BICC1: variants seen among roughly 807,000 people sequenced by gnomAD.
BICC1 encodes BicC family RNA binding protein 1, also known as protein bicaudal C homolog 1.
In BICC1, 43 loss-of-function variants were observed where a neutral mutation model predicts 111.0. The observed-to-expected ratio is 0.39, with a 90% confidence interval of 0.30 to 0.50. The LOEUF (loss-of-function observed/expected upper bound fraction) is 0.50. Among genes scored for constraint, BICC1 ranks in the 20% least tolerant of loss-of-function variants. The pLI is 0.88. For missense variants in BICC1, 1,091 were observed against 1,203.2 expected (o/e 0.91, Z 1.38); for synonymous variants, 467 against 434.4 (o/e 1.07, Z -0.93).
At chr10:58,654,299 CA>C (rs1241604685) in intron 2 of BICC1, among the ~76,000 whole-genome samples, 1 of 105,942 alleles carries the variant, frequency 9.4e-6, no homozygotes, top group Admixed American at 1.0e-4. Context: ...GTACCACCAA[CA>C]GTGTGAAAGT....
At chr10:58,633,473 C>T (rs563442604) in intron 2 of BICC1, among the ~76,000 whole-genome samples, 11 of 152,144 alleles carry the variant, frequency 7.2e-5, no homozygotes, top group Non-Finnish European at 1.6e-4. Flanking sequence ...CACTACCTTC[C>T]TAAATGATAA....
chr10:58,543,679 TTTTTAGG>T (rs1843055746), intron 1 of BICC1, among the ~76,000 whole-genome samples: 1 of 152,012 alleles, frequency 6.6e-6, no homozygotes, highest in African/African-American at 2.4e-5. Flanking sequence ...TCAGCTAATT[TTTTTAGG>T]TTTTGTAGAG....
At chr10:58,790,156 CT>C (rs368172202) in intron 8 of BICC1, among the ~76,000 whole-genome samples, 1 of 152,086 alleles carries the variant, frequency 6.6e-6, no homozygotes, top group African/African-American at 2.4e-5. Context: ...TCAGTGTTTT[CT>C]TTTTAACTTA....
At chr10:58,707,598 C>T (rs1840424697) in intron 3 of BICC1, among the ~76,000 whole-genome samples, 1 of 152,096 alleles carries the variant, frequency 6.6e-6, no homozygotes, top group African/African-American at 2.4e-5. Context: ...AGTGCAATTT[C>T]ACCTCACTGT....
rs188330082 is a variant in BICC1, at chr10:58,537,868, C to T, written c.190+24535C>T. Among the ~76,000 whole-genome samples, 1,097 of 151,678 alleles carry T rather than the reference C, an allele frequency of 7.2e-3. 5 individuals are homozygous for T. The highest frequency in any genetic ancestry group is 0.012 in the Non-Finnish European group (806 of 67,682). On this transcript the variant is annotated intron_variant, in intron 1 of 20. Transcript: ENST00000373886. The stretch of plus-strand genomic sequence containing the variant: ...TGAGTATGAAATTGAGAACTCAATT[C>T]CTTTTACAATAGTTATACAAAAATA...
At position 58,789,363 on chromosome 10, in the gene BICC1, G is replaced by A. The variant is rs749671574; in HGVS notation, c.702G>A (p.Thr234=). ...NSPSIQHISQ[T]YNISVSFKQR... The stretch of plus-strand genomic sequence containing the variant: ...CCTCTATTCAGCATATATCACAAAC[G>A]TACAATATTTCAGTATCATTTAAAC... Residue 234 remains threonine, a synonymous_variant, in exon 7 of 21, where the codon ACG becomes ACA. Transcript: ENST00000373886. The A allele has an allele frequency of 1.2e-5, 19 of 1,613,782 alleles. No homozygotes were observed. The highest frequency in any genetic ancestry group is 1.1e-4 in the East Asian group (5 of 44,864).
chr10:58,795,431 C>A (rs937363108), intron 9 of BICC1, among the ~76,000 whole-genome samples: 1 of 152,020 alleles, frequency 6.6e-6, no homozygotes, highest in Non-Finnish European at 1.5e-5. Flanking sequence ...ACTGTAGATA[C>A]CAGGACTAAA....
intron 1 of BICC1, among the ~76,000 whole-genome samples, chr10:58,618,625 C>T (rs774166366): frequency 1.1e-4 from 17 of 152,132 alleles, no homozygotes; most frequent in Non-Finnish European, 2.5e-4. Context: ...CTTGGTCTCC[C>T]GCTTGGTCTG....
chr10:58,792,485 G>A (rs1843212762), intron 8 of BICC1, among the ~76,000 whole-genome samples: 1 of 152,126 alleles, frequency 6.6e-6, no homozygotes, highest in South Asian at 2.1e-4. Flanking sequence ...GGAAAGCAAG[G>A]GAAGCTTCAT....
intron 3 of BICC1, among the ~76,000 whole-genome samples, chr10:58,771,670 A>G (rs1338355383): frequency 6.6e-6 from 1 of 152,164 alleles, no homozygotes; most frequent in African/African-American, 2.4e-5. Flanking sequence ...ATAGGAAATT[A>G]TAGGACATTT....
At chr10:58,566,125 T>C (rs1215342927) in intron 1 of BICC1, among the ~76,000 whole-genome samples, 2 of 151,488 alleles carry the variant, frequency 1.3e-5, no homozygotes, top group Non-Finnish European at 2.9e-5. Flanking sequence ...CATTCCTTTT[T>C]ATGGCTGAAT....
At chr10:58,800,828 A>T in intron 13 of BICC1, 62 bp from the exon 14 acceptor site, 1 of 1,471,858 alleles carries the variant, frequency 6.8e-7, no homozygotes, top group South Asian at 1.4e-5. Context: ...CATTGCAGAT[A>T]ATTGTCAACT....
chr10:58,553,530 G>A (rs1338417164), intron 1 of BICC1, among the ~76,000 whole-genome samples: 2 of 152,100 alleles, frequency 1.3e-5, no homozygotes, highest in East Asian at 3.9e-4. Context: ...TTGGACTTCT[G>A]ACCTCTGAAA....
intron 3 of BICC1, among the ~76,000 whole-genome samples, chr10:58,767,183 A>G (rs376209761): frequency 9.2e-5 from 14 of 152,138 alleles, no homozygotes; most frequent in African/African-American, 2.2e-4. Context: ...AAGCCTTTAC[A>G]GGTGGTTTGT....
chr10:58,654,080 A>G (rs1394854935), intron 2 of BICC1, among the ~76,000 whole-genome samples: 1 of 140,980 alleles, frequency 7.1e-6, no homozygotes, highest in Non-Finnish European at 1.5e-5. Flanking sequence ...CCAGTCTATC[A>G]TTGTTGGACA....
At chr10:58,519,886 G>A (rs1842345007) in intron 1 of BICC1, among the ~76,000 whole-genome samples, 1 of 151,812 alleles carries the variant, frequency 6.6e-6, no homozygotes, top group African/African-American at 2.4e-5. Flanking sequence ...CAATAAAAAT[G>A]CTTATTTCAC....
chr10:58,683,282 A>G (rs920714882), intron 2 of BICC1, among the ~76,000 whole-genome samples: 7 of 152,222 alleles, frequency 4.6e-5, no homozygotes, highest in African/African-American at 1.7e-4. Context: ...TTTGGTTACC[A>G]TAGCCTTGTA....
Position 58,778,662 on chromosome 10 carries a change from A to C in BICC1, c.308-6339A>C, listed in dbSNP as rs1258831622. ...AGGGGCAGCAGATAAATTCTGACTA[A>C]GTGGACCTACACAGTTCAAATCCAT... On this transcript the variant is annotated intron_variant, in intron 3 of 20. Transcript: ENST00000373886. Among the ~76,000 whole-genome samples, 5 of 152,206 alleles carry C rather than the reference A, an allele frequency of 3.3e-5. No homozygotes were observed. In the East Asian group the frequency reaches 9.7e-4, roughly 29 times the overall value.
intron 3 of BICC1, among the ~76,000 whole-genome samples, chr10:58,776,958 G>A (rs943240042): frequency 6.6e-6 from 1 of 151,968 alleles, no homozygotes; most frequent in Non-Finnish European, 1.5e-5. Context: ...TTATGCTTTG[G>A]ATTTTTCCCT....
Sources: allele counts gnomAD v4.1 joint callset (sites outside exome capture counted in the v4.1 genomes callset), GRCh38; gene constraint gnomAD v4.1.1; transcripts MANE v1.5; gene names NCBI Gene and HGNC (gene_info 2026-07-23, HGNC 2026-07-21).